CEP162: variants seen among roughly 807,000 people sequenced by gnomAD.
CEP162 encodes the protein centrosomal protein 162.
In CEP162, 141 loss-of-function variants were observed where a neutral mutation model predicts 169.2. The observed-to-expected ratio is 0.83, with a 90% CI of 0.73 to 0.96. The LOEUF (loss-of-function observed/expected upper bound fraction) is 0.96. Among genes scored for constraint, CEP162 ranks in the 40% least tolerant of loss-of-function variants. The pLI is 0.00. For synonymous variants in CEP162, 540 were observed against 526.4 expected (o/e 1.03, Z -0.35); for missense variants, 1,600 against 1,587.2 (o/e 1.01, Z -0.14).
chr6:84,152,462 T>C (rs968997345), intron 23 of CEP162, 83 bp downstream of exon 23: 8 of 714,128 alleles, frequency 1.1e-5, no homozygotes, highest in Admixed American at 1.1e-4. Context: ...TCAAACTAAT[T>C]ATCTGGAGGA....
rs71806895 is a variant in CEP162, at chr6:84,141,253, ATT to A, written c.3870+5432_3870+5433del. 6.3e-3 allele frequency among the ~76,000 whole-genome samples: 954 copies of A among 150,680 alleles called. 4 individuals are homozygous for A. The highest frequency in any genetic ancestry group is 0.022 in the African/African-American group (918 of 41,156). On this transcript the variant is annotated intron_variant, in intron 25 of 26. Coordinates refer to ENST00000403245, the MANE Select transcript of CEP162 (RefSeq NM_014895.4). ...ATTTGAGTTTTTATATCAAAAAATG[ATT>A]TTTTTTTTCAATTTTAAAGGGAGCA...
Position 84,137,372 on chromosome 6 carries a change from TTCCACTA to T in CEP162, c.3870+9308_3870+9314del, listed in dbSNP as rs142377152. On this transcript the variant is annotated intron_variant, in intron 25 of 26. Coordinates refer to ENST00000403245, the MANE Select transcript of CEP162 (RefSeq NM_014895.4). ...CCAGATCTTATAAACCCTATGATCA[TTCCACTA>T]TCTGTTCATAAAACAACAGCAGCTA... Among the ~76,000 whole-genome samples, 904 of 152,266 alleles carry T rather than the reference TTCCACTA, an allele frequency of 5.9e-3. 7 individuals are homozygous for T. The highest frequency in any genetic ancestry group is 0.021 in the African/African-American group (868 of 41,536).
intron 21 of CEP162, among the ~76,000 whole-genome samples, chr6:84,160,187 A>C (rs142025113): frequency 6.7e-4 from 102 of 152,290 alleles, no homozygotes; most frequent in African/African-American, 2.4e-3. Flanking sequence ...TTATGAATAT[A>C]AATGCTATAT....
chr6:84,197,852 G>A (rs995268201), intron 9 of CEP162, among the ~76,000 whole-genome samples: 2 of 149,910 alleles, frequency 1.3e-5, no homozygotes, highest in Non-Finnish European at 3.0e-5. Context: ...AAGAGAGAAA[G>A]TTGAGAAGTG....
intron 3 of CEP162, among the ~76,000 whole-genome samples, chr6:84,220,339 T>C (rs570598659): frequency 2.6e-5 from 4 of 152,210 alleles, no homozygotes; most frequent in South Asian, 4.1e-4. Context: ...ATAGTAAACC[T>C]ATCAGGCCAG....
intron 18 of CEP162, among the ~76,000 whole-genome samples, chr6:84,167,818 A>T (rs935030085): frequency 1.3e-5 from 2 of 152,160 alleles, no homozygotes; most frequent in Non-Finnish European, 2.9e-5. Flanking sequence ...GACCAAGTTA[A>T]GACAGAAAAG....
intron 2 of CEP162, among the ~76,000 whole-genome samples, chr6:84,223,171 C>A (rs551982661): frequency 4.7e-4 from 72 of 152,324 alleles, no homozygotes; most frequent in African/African-American, 1.7e-3. Flanking sequence ...CCAGCACTTT[C>A]ATTAATTATT....
In CEP162 at chr6:84,201,277, C is replaced by T. The variant is rs185513193; in HGVS notation, c.719-372G>A. ...TGGGCAACAGAGCGAGAGTCTGTCT[C>T]ACAAACAACAAACAAACAAACAAAC... On this transcript the variant is annotated intron_variant, in intron 8 of 26. Transcript: ENST00000403245. Among the ~76,000 whole-genome samples the T allele has an allele frequency of 2.1e-5, 3 of 143,550 alleles. No individual in the cohort carries two copies. In the East Asian group the frequency reaches 5.8e-4, roughly 28 times the overall value. The allele number at this position is 143,550 out of a possible 152,430, so 94.2% of individuals were successfully genotyped here.
chr6:84,163,725 G>T (rs1205696672), intron 18 of CEP162, among the ~76,000 whole-genome samples: 1 of 151,826 alleles, frequency 6.6e-6, no homozygotes, highest in Non-Finnish European at 1.5e-5. Flanking sequence ...CAGTACTTTG[G>T]GAGGCCAAGG....
At chr6:84,169,704 C>G (rs1484211839) in intron 17 of CEP162, among the ~76,000 whole-genome samples, 1 of 152,028 alleles carries the variant, frequency 6.6e-6, no homozygotes, top group Non-Finnish European at 1.5e-5. Context: ...TCCCAATTCT[C>G]AGAGGAAAAA....
rs1343681984 is a variant in CEP162, at chr6:84,185,340, T to A, written c.1510A>T (p.Ser504Cys). ...CTCCTAACTGACGCATATAATCCAC[T>A]CTGGGGTTTCCTTTTAAGTAAAGGA... Reference protein sequence around the residue: ...APPLLKRKPQSGLYASVRSSG... With the variant: ...APPLLKRKPQCGLYASVRSSG... The change falls in exon 13 of 27, where the codon AGT (serine) becomes TGT (cysteine). Residue 504 changes from serine to cysteine, a missense_variant. Transcript: ENST00000403245. 3 of 1,613,724 alleles carry A rather than the reference T, an allele frequency of 1.9e-6. No homozygotes were observed. The South Asian group carries it at 3.3e-5, about 18-fold the overall frequency.
intron 13 of CEP162, among the ~76,000 whole-genome samples, chr6:84,180,780 A>G (rs1459028379): frequency 1.3e-5 from 2 of 152,194 alleles, no homozygotes; most frequent in Non-Finnish European, 2.9e-5. Flanking sequence ...TAGGAATCCA[A>G]CTTACAGGGG....
intron 24 of CEP162, among the ~76,000 whole-genome samples, chr6:84,149,353 A>G (rs1435344601): frequency 6.6e-6 from 1 of 150,912 alleles, no homozygotes; most frequent in Non-Finnish European, 1.5e-5. Flanking sequence ...AAGTAGAAAA[A>G]TTAAATATAT....
In CEP162 at chr6:84,153,089, T is replaced by C. The variant is rs2099521763; in HGVS notation, c.3085A>G (p.Lys1029Glu). 2 of 1,613,100 alleles carry C rather than the reference T, an allele frequency of 1.2e-6. No homozygotes were observed. Among genetic ancestry groups the C allele is most frequent in the Non-Finnish European group, 1.7e-6 (2 of 1,179,624 alleles). ...GCTTCCTTGATGTCATCAAGTTCCTTCTCTAGGGCTTTAATTCTGGGAGAG... is the reference window on the plus strand; with the variant it reads ...GCTTCCTTGATGTCATCAAGTTCCTCCTCTAGGGCTTTAATTCTGGGAGAG... ...HDSPRIKALE[K>E]ELDDIKEAHQ... is the part of the protein sequence containing the mutation. Residue 1029 changes from lysine (K) to glutamate (E), a missense_variant, in exon 23 of 27, where the codon AAG becomes GAG. Physicochemically the swap from Lys to Glu is moderately conservative, Grantham distance 56. Transcript: ENST00000403245.
chr6:84,174,549 G>T (rs543120196), intron 15 of CEP162, among the ~76,000 whole-genome samples, 178 bp downstream of exon 15: 126 of 152,182 alleles, frequency 8.3e-4, no homozygotes, highest in African/African-American at 2.7e-3. Flanking sequence ...TCCCCCAAGG[G>T]TTCAAAATTT....
chr6:84,134,587 T>G (rs2099513084), intron 25 of CEP162, among the ~76,000 whole-genome samples: 1 of 152,148 alleles, frequency 6.6e-6, no homozygotes, highest in Non-Finnish European at 1.5e-5. Flanking sequence ...CGGCTTCCCT[T>G]GGCTAGGGGA....
intron 25 of CEP162, among the ~76,000 whole-genome samples, chr6:84,141,252 G>C (rs1463397974): frequency 7.7e-6 from 1 of 129,710 alleles, no homozygotes; most frequent in Non-Finnish European, 1.5e-5. Context: ...ATCAAAAAAT[G>C]ATTTTTTTTT....
chr6:84,219,584 G>A (rs990491599), intron 3 of CEP162, among the ~76,000 whole-genome samples: 3 of 152,134 alleles, frequency 2.0e-5, no homozygotes, highest in African/African-American at 7.2e-5. Flanking sequence ...TAAAAGCAGG[G>A]AGAGAGTCTA....
intron 25 of CEP162, among the ~76,000 whole-genome samples, chr6:84,143,903 A>G (rs1258319956): frequency 6.6e-6 from 1 of 152,020 alleles, no homozygotes; most frequent in East Asian, 1.9e-4. Flanking sequence ...TGTGTTTCCT[A>G]TGGTCTCTAT....
Sources: gnomAD v4.1 joint callset for allele counts (sites outside exome capture counted in the v4.1 genomes callset) on GRCh38, gnomAD v4.1.1 for gene constraint, MANE v1.5 for transcripts, NCBI Gene and HGNC (gene_info 2026-07-23, HGNC 2026-07-21) for gene names.